CR1L: variants seen among roughly 807,000 people sequenced by gnomAD.
The protein encoded by CR1L is complement C3b/C4b receptor 1 like.
In CR1L, 59 loss-of-function variants were observed where a neutral mutation model predicts 62.3. The ratio of observed to expected loss-of-function variants is 0.95; its 90% CI spans 0.77 to 1.18. The LOEUF (loss-of-function observed/expected upper bound fraction) is 1.18, where lower values mean the gene tolerates loss of function less well. Among genes scored for constraint, CR1L ranks in the 50% most tolerant of loss-of-function variants. CR1L has a pLI of 0.00. For synonymous variants in CR1L, 279 were observed against 248.7 expected, an observed-to-expected ratio of 1.12 and a Z score of -1.15; for missense variants, 700 against 702.8, an observed-to-expected ratio of 1.00 and a Z score of 0.04.
At chr1:207,697,979 C>G (rs552788494) in intron 7 of CR1L, 106 bp downstream of exon 7, 202 of 1,405,060 alleles carry the variant, frequency 1.4e-4, no homozygotes, top group Middle Eastern at 7.6e-4. Flanking sequence ...CAGACAGACA[C>G]ACACACACAC....
At chr1:207,708,629 T>C (rs1664307296) in intron 10 of CR1L, among the ~76,000 whole-genome samples, 1 of 152,224 alleles carries the variant, frequency 6.6e-6, no homozygotes, top group Admixed American at 6.5e-5. Flanking sequence ...TAGTATCACA[T>C]CAGATATTCA....
intron 1 of CR1L, among the ~76,000 whole-genome samples, chr1:207,651,089 G>A (rs929105992): frequency 6.6e-6 from 1 of 152,114 alleles, no homozygotes; most frequent in African/African-American, 2.4e-5. Context: ...CCGGCCCAGT[G>A]TAGATAATTC....
At chr1:207,683,436 C>A (rs1663839369) in intron 3 of CR1L, among the ~76,000 whole-genome samples, 1 of 152,044 alleles carries the variant, frequency 6.6e-6, no homozygotes, top group Admixed American at 6.5e-5. Flanking sequence ...TGTGAATGGC[C>A]TACTTAGATG....
In CR1L at chr1:207,683,804, A is replaced by G; in HGVS notation, c.378-68A>G. On this transcript the variant is annotated intron_variant, in intron 3 of 11. Coordinates refer to ENST00000508064, the MANE Select transcript of CR1L (RefSeq NM_175710.2). ...ATTCTATAAGAGTGTAATCTCTGGA[A>G]GTAGTAATTTAATTGGGTAGTTGAC... The G allele has an allele frequency of 2.1e-6, 3 of 1,417,858 alleles. No homozygotes were observed. In the South Asian group the frequency reaches 3.6e-5, roughly 17 times the overall value. The allele number at this position is 1,417,858 out of a possible 1,614,324, so 87.8% of individuals were successfully genotyped here.
chr1:207,699,133 A>G (rs951559547), intron 7 of CR1L, 56 bp from the exon 8 acceptor site: 7 of 1,609,462 alleles, frequency 4.3e-6, no homozygotes, highest in Non-Finnish European at 6.0e-6. Context: ...TAGATTGTGA[A>G]CTAAGTGTCC....
intron 9 of CR1L, among the ~76,000 whole-genome samples, chr1:207,706,044 T>TATAA (rs1491230856): frequency 1.1e-4 from 13 of 118,836 alleles, no homozygotes; most frequent in African/African-American, 3.1e-4. Context: ...TATATATATA[T>TATAA]AAAACACTGA....
intron 11 of CR1L, among the ~76,000 whole-genome samples, chr1:207,718,184 C>T (rs1279665310): frequency 1.3e-5 from 2 of 152,082 alleles, no homozygotes; most frequent in South Asian, 2.1e-4. Context: ...TTGTTCAAGC[C>T]GCTGACTATA....
chr1:207,667,124 T>C (rs1436905645), intron 1 of CR1L, among the ~76,000 whole-genome samples: 1 of 152,240 alleles, frequency 6.6e-6, no homozygotes, highest in Non-Finnish European at 1.5e-5. Flanking sequence ...CACATCTTTC[T>C]CAGTTTAAAA....
intron 7 of CR1L, among the ~76,000 whole-genome samples, chr1:207,698,763 G>A (rs1276244318): frequency 6.6e-6 from 1 of 152,174 alleles, no homozygotes; most frequent in Non-Finnish European, 1.5e-5. Context: ...GGAGATGAAA[G>A]GACAATCTCT....
intron 7 of CR1L, 102 bp downstream of exon 7, chr1:207,697,975 G>GACACACAC (rs368602585): frequency 1.7e-4 from 221 of 1,270,014 alleles, no homozygotes; most frequent in South Asian, 1.4e-3. Context: ...CAGACAGACA[G>GACACACAC]ACACACACAC....
At chr1:207,720,252 C>T (rs1207945414) in intron 11 of CR1L, among the ~76,000 whole-genome samples, 2 of 152,210 alleles carry the variant, frequency 1.3e-5, no homozygotes, top group Non-Finnish European at 2.9e-5. Flanking sequence ...TTTACCCTAT[C>T]TAGTCTTGGC....
At position 207,697,691 on chromosome 1, in the gene CR1L, C is replaced by G; in HGVS notation, c.1039+12C>G. The G allele has an allele frequency of 6.2e-7, 1 of 1,613,994 alleles. No homozygotes were observed. Among genetic ancestry groups the G allele is most frequent in the Non-Finnish European group, 8.5e-7 (1 of 1,179,884 alleles). On this transcript the variant is annotated intron_variant, in intron 6 of 11. Coordinates refer to ENST00000508064, the MANE Select transcript of CR1L (RefSeq NM_175710.2). Reference sequence around the variant, plus strand: ...CCCCAGATGTGAAGGTGACTAGACTCTTATCTGGCTTGGTATTTTTAGCTT... The same window carrying G: ...CCCCAGATGTGAAGGTGACTAGACTGTTATCTGGCTTGGTATTTTTAGCTT...
intron 11 of CR1L, among the ~76,000 whole-genome samples, chr1:207,719,226 T>C (rs1444242491): frequency 2.2e-5 from 3 of 139,120 alleles, no homozygotes. Context: ...ACCTGCACAA[T>C]GTGCACATGT....
At position 207,694,391 on chromosome 1, in the gene CR1L, G is replaced by T. The variant is rs747855132; in HGVS notation, c.502G>T (p.Asp168Tyr). ...GCTACCCCCCACCATCGCCAATGGA[G>T]ATTTCACTAGCATCAGCAGAGAGTA... ...CGLPPTIANG[D>Y]FTSISREYFH... The change falls in exon 5 of 12, where the codon GAT becomes TAT. Residue 168 changes from aspartate to tyrosine, a missense_variant. Physicochemically the swap from Asp to Tyr is radical, Grantham distance 160 (BLOSUM62 -3). Coordinates refer to ENST00000508064, the MANE Select transcript of CR1L (RefSeq NM_175710.2). 1.9e-6 allele frequency: 3 copies of T among 1,613,992 alleles called. No homozygotes were observed. The South Asian group carries it at 3.3e-5, about 18-fold the overall frequency.
At chr1:207,721,470 C>G (rs1049066255) in intron 11 of CR1L, among the ~76,000 whole-genome samples, 3 of 151,332 alleles carry the variant, frequency 2.0e-5, no homozygotes, top group Non-Finnish European at 4.4e-5. Context: ...CGATAGTTTA[C>G]TGAGAATGAT....
At chr1:207,713,279 G>A (rs1664391196) in intron 10 of CR1L, among the ~76,000 whole-genome samples, 1 of 152,162 alleles carries the variant, frequency 6.6e-6, no homozygotes, top group African/African-American at 2.4e-5. Flanking sequence ...GAATGAGATG[G>A]AAATTGTTTG....
chr1:207,681,384 C>T (rs1293191192), intron 3 of CR1L, among the ~76,000 whole-genome samples: 5 of 152,226 alleles, frequency 3.3e-5, no homozygotes, highest in Admixed American at 3.3e-4. Flanking sequence ...AGGCTTCAAT[C>T]TGTTTAAATG....
chr1:207,686,210 C>A (rs1407002776), intron 4 of CR1L, among the ~76,000 whole-genome samples: 1 of 121,970 alleles, frequency 8.2e-6, no homozygotes, highest in Non-Finnish European at 1.7e-5. Flanking sequence ...CTTTCCTTCT[C>A]CTTATTTTCT....
intron 1 of CR1L, among the ~76,000 whole-genome samples, chr1:207,658,078 A>C (rs1273407127): frequency 6.6e-6 from 1 of 152,224 alleles, no homozygotes; most frequent in African/African-American, 2.4e-5. Context: ...AGTGTTTTGA[A>C]TTGAATCATA....
Sources: allele counts gnomAD v4.1 joint callset (sites outside exome capture counted in the v4.1 genomes callset), GRCh38; gene constraint gnomAD v4.1.1; transcripts MANE v1.5; gene names NCBI Gene and HGNC (gene_info 2026-07-23, HGNC 2026-07-21).